Variants in CREB3L2 observed in about 807,000 individuals in gnomAD.
The protein encoded by CREB3L2 is cAMP responsive element binding protein 3 like 2, also known as cyclic AMP-responsive element-binding protein 3-like protein 2.
CREB3L2 carries 23 observed loss-of-function variants against 57.2 expected under a neutral mutation model. That is an observed-to-expected ratio of 0.40 (90% confidence interval 0.29 to 0.57). CREB3L2 has a LOEUF of 0.57. CREB3L2 is among the 20% of genes least tolerant of loss of function. The pLI is 0.42. For synonymous variants in CREB3L2, 268 were observed against 265.1 expected (o/e 1.01, Z -0.11); for missense variants, 628 against 634.7 (o/e 0.99, Z 0.11).
chr7:137,883,409 G>A (rs999307771), intron 10 of CREB3L2, among the ~76,000 whole-genome samples: 1 of 152,162 alleles, frequency 6.6e-6, no homozygotes, highest in African/African-American at 2.4e-5. Flanking sequence ...GTGGACGGCT[G>A]AAACCGAAGA....
chr7:137,956,492 C>T (rs534356428), intron 1 of CREB3L2: 11 of 544,906 alleles, frequency 2.0e-5, no homozygotes, highest in African/African-American at 1.6e-4. Context: ...TCTTCTAAAT[C>T]AAATCTGAGC....
intron 4 of CREB3L2, among the ~76,000 whole-genome samples, chr7:137,912,516 T>C (rs1800033340): frequency 6.6e-6 from 1 of 152,228 alleles, no homozygotes; most frequent in African/African-American, 2.4e-5. Flanking sequence ...ATAGTTGTCA[T>C]TCAAAGTCAA....
chr7:137,940,520 CA>C (rs1408111130), intron 1 of CREB3L2, among the ~76,000 whole-genome samples: 7 of 148,336 alleles, frequency 4.7e-5, no homozygotes, highest in Non-Finnish European at 7.5e-5. Flanking sequence ...CACATGAAAT[CA>C]AAGAGTTGAG....
At chr7:137,898,293 C>T (rs778846741) in intron 8 of CREB3L2, among the ~76,000 whole-genome samples, 12 of 152,100 alleles carry the variant, frequency 7.9e-5, no homozygotes, top group Admixed American at 3.3e-4. Flanking sequence ...AAAAGGGAAC[C>T]CTTCCACACT....
chr7:137,927,850 C>T (rs1387958212), intron 2 of CREB3L2, among the ~76,000 whole-genome samples: 3 of 151,484 alleles, frequency 2.0e-5, no homozygotes, highest in Non-Finnish European at 2.9e-5. Flanking sequence ...GTAGGAATGA[C>T]CAGCCAGATA....
chr7:137,985,735 C>T (rs1441385876), intron 1 of CREB3L2, among the ~76,000 whole-genome samples: 6 of 152,166 alleles, frequency 3.9e-5, no homozygotes, highest in African/African-American at 1.4e-4. Flanking sequence ...CTGCTGCCAA[C>T]CCACCCCCTC....
intron 10 of CREB3L2, 161 bp downstream of exon 10, chr7:137,884,834 G>T: frequency 2.1e-6 from 2 of 949,824 alleles, no homozygotes; most frequent in South Asian, 1.3e-5. Flanking sequence ...TGGATGAGGG[G>T]CCCCAGGGGA....
chr7:137,907,517 C>T (rs940414643), intron 5 of CREB3L2, among the ~76,000 whole-genome samples: 7 of 152,294 alleles, frequency 4.6e-5, no homozygotes, highest in African/African-American at 1.7e-4. Context: ...AGAATCAATA[C>T]AAATTTTCAA....
chr7:137,992,285 C>A (rs1426918948), intron 1 of CREB3L2, among the ~76,000 whole-genome samples: 1 of 152,070 alleles, frequency 6.6e-6, no homozygotes, highest in East Asian at 1.9e-4. Context: ...GTTTCCCAAG[C>A]CAAAGTACAA....
intron 1 of CREB3L2, among the ~76,000 whole-genome samples, chr7:137,961,801 T>C (rs924865239): frequency 6.6e-6 from 1 of 152,216 alleles, no homozygotes; most frequent in Non-Finnish European, 1.5e-5. Context: ...CCATTCATCC[T>C]TTGCTGCTTC....
chr7:137,954,913 T>A (rs1801178432), intron 1 of CREB3L2, among the ~76,000 whole-genome samples: 1 of 152,138 alleles, frequency 6.6e-6, no homozygotes, highest in Admixed American at 6.5e-5. Flanking sequence ...AGCACAAGTG[T>A]AATTAGTCAC....
chr7:137,883,042 G>A (rs778651968), intron 10 of CREB3L2, among the ~76,000 whole-genome samples: 15 of 152,190 alleles, frequency 9.9e-5, no homozygotes, highest in Non-Finnish European at 1.6e-4. Context: ...ATGAGGTACA[G>A]GGCATCTCAT....
chr7:137,980,997 C>A lies in CREB3L2; in HGVS notation c.102+20607G>T, dbSNP rs932296743. Among the ~76,000 whole-genome samples, 2 of 152,154 alleles carry A rather than the reference C, an allele frequency of 1.3e-5. No homozygotes were observed. Among genetic ancestry groups the A allele is most frequent in the Non-Finnish European group, 2.9e-5 (2 of 68,032 alleles). ...GATGATGCACACCAATAATGTGACA[C>A]CCTCCAGAATGCCAAGATCTGCTGA... On this transcript the variant is annotated intron_variant, in intron 1 of 11. Transcript: ENST00000330387. The surrounding 1 kb of genome is among the most constrained non-coding windows in gnomAD (Gnocchi z 4.3).
At chr7:137,957,387 T>G (rs920729333) in intron 1 of CREB3L2, among the ~76,000 whole-genome samples, 1 of 152,194 alleles carries the variant, frequency 6.6e-6, no homozygotes, top group African/African-American at 2.4e-5. Context: ...CTACAATGCC[T>G]AGACATAACA....
chr7:137,924,438 C>T (rs1311419810), intron 2 of CREB3L2, among the ~76,000 whole-genome samples: 5 of 152,170 alleles, frequency 3.3e-5, no homozygotes, highest in Non-Finnish European at 5.9e-5. Context: ...AAATGCATAC[C>T]TAGCATCCCA....
chr7:137,901,389 A>T lies in CREB3L2; in HGVS notation c.1008T>A (p.Leu336=). 6.2e-7 allele frequency: 1 copy of T among 1,609,398 alleles called. No individual in the cohort carries two copies. The highest frequency in any genetic ancestry group is 8.5e-7 in the Non-Finnish European group (1 of 1,176,012). Residue 336 remains leucine, a synonymous_variant, in exon 8 of 12, where the codon CTT becomes CTA. Coordinates refer to ENST00000330387, the MANE Select transcript of CREB3L2 (RefSeq NM_194071.4). ...TCTCTAGAACCTCTACCTTCTTCCG[A>T]AGCTCCAAGTTCTCAGTTGAACAAG... ...VESCSTENLE[L]RKKVEVLENT...
intron 1 of CREB3L2, among the ~76,000 whole-genome samples, chr7:137,944,651 T>C (rs973336027): frequency 2.2e-4 from 34 of 152,200 alleles, no homozygotes; most frequent in Admixed American, 3.9e-4. Flanking sequence ...TAAATTAAGG[T>C]ATATCTAAGT....
intron 1 of CREB3L2, among the ~76,000 whole-genome samples, chr7:137,972,512 T>C (rs1295608037): frequency 6.7e-6 from 1 of 150,230 alleles, no homozygotes; most frequent in Non-Finnish European, 1.5e-5. Flanking sequence ...GAGGTAATAC[T>C]CTTTTTGTAA....
rs558069780 is a variant in CREB3L2 at position 138,001,948 on chromosome 7, C to T, written c.-243G>A. On this transcript the variant is annotated 5_prime_UTR_variant, in exon 1 of 12. Coordinates refer to ENST00000330387, the MANE Select transcript of CREB3L2 (RefSeq NM_194071.4). The surrounding 1 kb of genome is among the most constrained non-coding windows in gnomAD (Gnocchi z 4.2). ...GGGACACGAGCCGGACCAAAGGCTGCCGGGGCTAAAGCGGGATGTGCATCC... is the reference window on the plus strand; with the variant it reads ...GGGACACGAGCCGGACCAAAGGCTGTCGGGGCTAAAGCGGGATGTGCATCC... 6.8e-6 allele frequency: 3 copies of T among 443,632 alleles called. No homozygotes were observed. The highest frequency in any genetic ancestry group is 4.1e-5 in the Admixed American group (1 of 24,462). The allele number at this position is 443,632 out of a possible 1,614,324, so 27.5% of individuals were successfully genotyped here. A position where few individuals can be genotyped will look rare whatever the true frequency, so the allele number is the denominator to read the frequency against.
Sources: gnomAD v4.1 joint callset for allele counts (sites outside exome capture counted in the v4.1 genomes callset) on GRCh38, gnomAD v4.1.1 for gene constraint, Gnocchi (gnomAD v3.1) non-coding constraint, MANE v1.5 for transcripts, NCBI Gene and HGNC (gene_info 2026-07-23, HGNC 2026-07-21) for gene names.